The following NRG1 variants were observed in gnomAD, a reference collection of about 807,000 sequenced individuals.
NRG1 encodes the protein pro-neuregulin-1, membrane-bound isoform.
Under a neutral mutation model 63.8 loss-of-function variants are expected in NRG1, and 18 were observed. The ratio of observed to expected loss-of-function variants is 0.28; its 90% CI spans 0.19 to 0.42. The LOEUF (loss-of-function observed/expected upper bound fraction) is 0.42. Among genes scored for constraint, NRG1 ranks in the 10% least tolerant of loss-of-function variants. The pLI is 1.00. For missense variants in NRG1, 762 were observed against 814.7 expected (o/e 0.94, Z 0.79); for synonymous variants, 302 against 301.3 (o/e 1.00, Z -0.02).
Position 32,567,345 on chromosome 8 carries a change from T to A in NRG1, c.100+18519T>A, listed in dbSNP as rs141342417. Among the ~76,000 whole-genome samples the A allele has an allele frequency of 5.9e-3, 905 of 152,298 alleles. 5 individuals carry two copies. Among genetic ancestry groups the A allele is most frequent in the Middle Eastern group, 0.027 (8 of 294 alleles). On this transcript the variant is annotated intron_variant, in intron 1 of 11. Coordinates refer to ENST00000356819, the Ensembl canonical transcript of NRG1. Reference sequence around the variant, plus strand: ...TATGGCTAAGAAAAATTTGACAAGGTGTAAATCTCACTGAATGCAGTTGCT... The same window carrying A: ...TATGGCTAAGAAAAATTTGACAAGGAGTAAATCTCACTGAATGCAGTTGCT...
chr8:32,135,072 A>G (rs1835333357), intron 1 of NRG1, among the ~76,000 whole-genome samples: 1 of 152,152 alleles, frequency 6.6e-6, no homozygotes, highest in Non-Finnish European at 1.5e-5. Flanking sequence ...TGGTGATGCT[A>G]AAGTCAGCAT....
chr8:32,351,162 G>T (rs1415810189), intron 1 of NRG1, among the ~76,000 whole-genome samples: 1 of 152,150 alleles, frequency 6.6e-6, no homozygotes, highest in Non-Finnish European at 1.5e-5. Flanking sequence ...CTCAGGGCTG[G>T]TCTCCCTGCA....
At chr8:32,646,310 A>G (rs1853533459) in intron 5 of NRG1, among the ~76,000 whole-genome samples, 1 of 152,222 alleles carries the variant, frequency 6.6e-6, no homozygotes, top group East Asian at 1.9e-4. Flanking sequence ...AGTCATTGCA[A>G]AAAGGGCTAA....
chr8:32,429,318 A>C (rs972513198), intron 1 of NRG1, among the ~76,000 whole-genome samples: 1 of 152,122 alleles, frequency 6.6e-6, no homozygotes, highest in African/African-American at 2.4e-5. Flanking sequence ...GTTTGAAGGT[A>C]AGTGTTTTCA....
intron 1 of NRG1, among the ~76,000 whole-genome samples, chr8:31,774,961 G>GA (rs993976366): frequency 4.6e-5 from 7 of 152,110 alleles, no homozygotes; most frequent in Non-Finnish European, 8.8e-5. Context: ...TGAGGATGCA[G>GA]AAAAAACAGA....
chr8:32,144,393 G>GTGTA (rs1167444422), intron 1 of NRG1, among the ~76,000 whole-genome samples: 4 of 152,232 alleles, frequency 2.6e-5, no homozygotes, highest in Non-Finnish European at 5.9e-5. Flanking sequence ...GGAGGTGTGT[G>GTGTA]TGTGTGTGTG....
intron 1 of NRG1, among the ~76,000 whole-genome samples, chr8:32,199,788 C>CT (rs1158094546): frequency 4.6e-5 from 7 of 151,194 alleles, no homozygotes; most frequent in East Asian, 3.9e-4. Context: ...TTGTTTTAAA[C>CT]TTTTTTTTTG....
At position 32,446,409 on chromosome 8, in the gene NRG1, C is replaced by A. The variant is rs539402437; in HGVS notation, c.38-149419C>A. Among the ~76,000 whole-genome samples, 14 of 152,270 alleles carry A rather than the reference C, an allele frequency of 9.2e-5. No homozygotes were observed. The South Asian group carries it at 2.9e-3, about 32-fold the overall frequency. ...ATGGCTCATGCTTGTAATCTCAGCA[C>A]TTTGGGAGGCCAAGGTGGGAAGATC... On this transcript the variant is annotated intron_variant, in intron 1 of 10. Transcript: ENST00000519301.
At chr8:32,540,270 A>G (rs1563604873) in intron 1 of NRG1, among the ~76,000 whole-genome samples, 1 of 152,116 alleles carries the variant, frequency 6.6e-6, no homozygotes. Context: ...TTGAGAAAAT[A>G]TATATTAAAT....
At chr8:32,695,720 T>C (rs1056918623) in intron 5 of NRG1, among the ~76,000 whole-genome samples, 1 of 152,174 alleles carries the variant, frequency 6.6e-6, no homozygotes, top group Non-Finnish European at 1.5e-5. Flanking sequence ...TGGCACATGG[T>C]CAGAACGACC....
intron 6 of NRG1, 48 bp downstream of exon 6, chr8:32,728,126 T>C: frequency 1.2e-6 from 2 of 1,608,078 alleles, no homozygotes; most frequent in Non-Finnish European, 1.7e-6. Context: ...ACTCCTTGTT[T>C]CAGATGATTC....
intron 5 of NRG1, among the ~76,000 whole-genome samples, chr8:32,667,343 A>G (rs1427623940): frequency 6.6e-6 from 1 of 152,132 alleles, no homozygotes; most frequent in Non-Finnish European, 1.5e-5. Context: ...TATATGCCAT[A>G]TTTTGTTTAT....
chr8:32,376,209 A>T (rs1809604022), intron 1 of NRG1, among the ~76,000 whole-genome samples: 1 of 152,250 alleles, frequency 6.6e-6, no homozygotes, highest in Admixed American at 6.5e-5. Flanking sequence ...GTTAGGCTCC[A>T]TATTTGCCTA....
At chr8:32,054,888 T>C (rs1822641271) in intron 1 of NRG1, among the ~76,000 whole-genome samples, 4 of 98,654 alleles carry the variant, frequency 4.1e-5, no homozygotes, top group African/African-American at 1.6e-4. Context: ...TTTTTTTTTT[T>C]TTTTTTTTTT....
chr8:31,746,222 G>A (rs566910748), intron 1 of NRG1, among the ~76,000 whole-genome samples: 1 of 152,034 alleles, frequency 6.6e-6, no homozygotes, highest in African/African-American at 2.4e-5. Flanking sequence ...CCACCAACAA[G>A]CCCAAGCTTT....
At chr8:32,116,449 A>T (rs111298064) in intron 1 of NRG1, among the ~76,000 whole-genome samples, 2,971 of 152,240 alleles carry the variant, frequency 0.02, 49 homozygotes, top group Middle Eastern at 0.041. Flanking sequence ...TCCTGGATGG[A>T]GCTCTTCACC....
chr8:32,363,952 G>A (rs991425284), intron 1 of NRG1, among the ~76,000 whole-genome samples: 1 of 151,474 alleles, frequency 6.6e-6, no homozygotes, highest in Non-Finnish European at 1.5e-5. Flanking sequence ...TGTTAATCTT[G>A]TAGAAGTGAA....
intron 1 of NRG1, among the ~76,000 whole-genome samples, chr8:31,815,207 T>C (rs1823319674): frequency 6.6e-6 from 1 of 152,160 alleles, no homozygotes; most frequent in South Asian, 2.1e-4. Flanking sequence ...CTTACAAAAC[T>C]GAAAAGTTGA....
chr8:32,629,871 A>G (rs1403984028), intron 5 of NRG1, among the ~76,000 whole-genome samples: 1 of 152,050 alleles, frequency 6.6e-6, no homozygotes, highest in Non-Finnish European at 1.5e-5. Context: ...AAGTGCCGCA[A>G]CAGTGTCAAT....
Sources: gnomAD v4.1 joint callset for allele counts (sites outside exome capture counted in the v4.1 genomes callset) on GRCh38, gnomAD v4.1.1 for gene constraint, MANE v1.5 for transcripts, NCBI Gene and HGNC (gene_info 2026-07-23, HGNC 2026-07-21) for gene names.